The following CADPS variants were observed in gnomAD, a reference collection of about 807,000 sequenced individuals.
CADPS encodes the protein calcium-dependent secretion activator 1.
A neutral mutation model predicts 167.3 loss-of-function variants in CADPS; 57 were observed. The ratio of observed to expected loss-of-function variants is 0.34; its 90% CI spans 0.28 to 0.42. The LOEUF is 0.42. CADPS is among the 20% of genes least tolerant of loss of function. The pLI, the probability that CADPS is intolerant of heterozygous loss-of-function variation, is 1.00. For missense variants in CADPS, 1,414 were observed against 1,738.1 expected (o/e 0.81, Z 3.32); for synonymous variants, 676 against 635.3 (o/e 1.06, Z -0.96).
intron 1 of CADPS, among the ~76,000 whole-genome samples, chr3:62,869,626 C>G (rs971377108): frequency 6.6e-6 from 1 of 152,040 alleles, no homozygotes; most frequent in Non-Finnish European, 1.5e-5. Context: ...TTCTAATCAG[C>G]GTCTTACAAC....
Position 62,437,474 on chromosome 3 carries a change from G to A in CADPS, c.3777+630C>T, listed in dbSNP as rs577064250. 8.6e-5 allele frequency among the ~76,000 whole-genome samples: 13 copies of A among 151,510 alleles called. No individual in the cohort carries two copies. The East Asian group carries it at 9.8e-4, about 11-fold the overall frequency. On this transcript the variant is annotated intron_variant, in intron 28 of 29. Coordinates refer to ENST00000383710, the MANE Select transcript of CADPS (RefSeq NM_003716.4). ...ATTTTCTGAAGTTTGATCTGGGTCC[G>A]CAGCCCAATGTACTCATTCTTTGTA...
intron 28 of CADPS, among the ~76,000 whole-genome samples, chr3:62,423,301 GTC>G (rs2051875740): frequency 6.6e-6 from 1 of 152,186 alleles, no homozygotes; most frequent in African/African-American, 2.4e-5. Flanking sequence ...TCATTAAGGG[GTC>G]TCTCTGATTA....
chr3:62,832,419 G>A (rs907272072), intron 1 of CADPS, among the ~76,000 whole-genome samples: 3 of 152,218 alleles, frequency 2.0e-5, no homozygotes, highest in African/African-American at 4.8e-5. Context: ...AGTTAAAGTA[G>A]AATCCAGAAA....
chr3:62,786,310 T>A (rs746440627), intron 1 of CADPS, among the ~76,000 whole-genome samples: 20 of 152,124 alleles, frequency 1.3e-4, no homozygotes, highest in Non-Finnish European at 2.2e-4. Flanking sequence ...GAAACTCTTT[T>A]TGGAAATGAC....
At chr3:62,414,381 GC>G in intron 28 of CADPS, among the ~76,000 whole-genome samples, 1 of 152,318 alleles carries the variant, frequency 6.6e-6, no homozygotes, top group Middle Eastern at 3.4e-3. Context: ...TGTTCAGGAA[GC>G]CCTTATTTTA....
intron 1 of CADPS, among the ~76,000 whole-genome samples, chr3:62,842,837 A>C (rs2076839775): frequency 1.3e-5 from 2 of 152,224 alleles, no homozygotes. Flanking sequence ...TAAAAGTTTT[A>C]TAATCATTTT....
chr3:62,554,955 G>A (rs2077879981), intron 10 of CADPS, among the ~76,000 whole-genome samples: 1 of 152,120 alleles, frequency 6.6e-6, no homozygotes, highest in African/African-American at 2.4e-5. Flanking sequence ...GTTTCACCAT[G>A]TTGGCCAGGC....
rs2087964787 is a variant in CADPS, at chr3:62,769,590, G to T, written c.442-3606C>A. ...TCCCTTGAGAATGCCTGCCTCTGGG[G>T]ACATTTCACATGTACACATCTTTAA... is the stretch of plus-strand genomic sequence containing the variant. On this transcript the variant is annotated intron_variant, in intron 1 of 29. Transcript: ENST00000383710. Among the ~76,000 whole-genome samples the T allele has an allele frequency of 2.6e-5, 4 of 152,156 alleles. No homozygotes were observed. In the South Asian group the frequency reaches 6.2e-4, roughly 24 times the overall value.
intron 6 of CADPS, among the ~76,000 whole-genome samples, chr3:62,630,685 T>C (rs1225733894): frequency 1.3e-5 from 2 of 152,098 alleles, no homozygotes; most frequent in African/African-American, 4.8e-5. Flanking sequence ...ATGAAGAAAA[T>C]ATAATCACTT....
At chr3:62,800,830 C>T (rs1481833048) in intron 1 of CADPS, among the ~76,000 whole-genome samples, 9 of 152,060 alleles carry the variant, frequency 5.9e-5, no homozygotes, top group African/African-American at 1.2e-4. Flanking sequence ...CCAGAAAACG[C>T]GTTTACAAAA....
At chr3:62,846,818 C>T (rs1460244908) in intron 1 of CADPS, among the ~76,000 whole-genome samples, 1 of 152,034 alleles carries the variant, frequency 6.6e-6, no homozygotes, top group South Asian at 2.1e-4. Context: ...TGACTGCCAC[C>T]ACGCCTCTAC....
chr3:62,767,477 T>A (rs1158594898), intron 1 of CADPS, among the ~76,000 whole-genome samples: 2 of 152,202 alleles, frequency 1.3e-5, no homozygotes, highest in African/African-American at 2.4e-5. Context: ...AAATTAAAAG[T>A]TTTTATATAA....
chr3:62,585,656 T>A (rs1447578969), intron 7 of CADPS, among the ~76,000 whole-genome samples: 2 of 152,222 alleles, frequency 1.3e-5, no homozygotes, highest in East Asian at 3.8e-4. Flanking sequence ...GATGGATGCA[T>A]AAAAGGAAGA....
intron 9 of CADPS, among the ~76,000 whole-genome samples, chr3:62,569,631 C>A (rs2080931389): frequency 6.6e-6 from 1 of 152,224 alleles, no homozygotes; most frequent in East Asian, 1.9e-4. Context: ...GTCATTTAGA[C>A]CTAAAAGGGA....
chr3:62,474,061 G>T, intron 24 of CADPS, 112 bp downstream of exon 24: 1 of 687,602 alleles, frequency 1.5e-6, no homozygotes, highest in Non-Finnish European at 2.3e-6. Context: ...AAATGTTAGA[G>T]TGTATTTCTG....
rs929978159 is a variant in CADPS, at chr3:62,874,721, T to C, written c.309A>G (p.Glu103=). Residue 103 remains glutamate, a synonymous_variant, in exon 1 of 30, where the codon GAA becomes GAG. Transcript: ENST00000383710. The surrounding 1 kb of genome is among the most constrained non-coding windows in gnomAD (Gnocchi z 7.1). The part of the protein sequence containing the change: ...SPSVVSEKEK[E]ELERLQKEEE... ...CCTCTTTCTGCAGCCGCTCCAACTC[T>C]TCCTTCTCCTTCTCGCTCACCACCG... 1.6e-5 allele frequency: 24 copies of C among 1,524,366 alleles called. No homozygotes were observed. The African/African-American group carries it at 3.0e-4, about 19-fold the overall frequency. The allele number at this position is 1,524,366 out of a possible 1,614,324, so 94.4% of individuals were successfully genotyped here. A position where few individuals can be genotyped will look rare whatever the true frequency, so the allele number is the denominator to read the frequency against.
At chr3:62,579,544 C>A (rs138578979) in intron 8 of CADPS, among the ~76,000 whole-genome samples, 3 of 151,982 alleles carry the variant, frequency 2.0e-5, no homozygotes, top group African/African-American at 7.3e-5. Context: ...GAGGACACAG[C>A]GGGGCCAGGT....
chr3:62,549,327 G>A (rs1219914983), intron 11 of CADPS, among the ~76,000 whole-genome samples: 2 of 152,070 alleles, frequency 1.3e-5, no homozygotes, highest in Admixed American at 6.5e-5. Flanking sequence ...GAAATTAAAT[G>A]TATGCAGAGG....
intron 18 of CADPS, 139 bp downstream of exon 18, chr3:62,499,023 T>G: frequency 1.8e-6 from 1 of 546,068 alleles, no homozygotes; most frequent in Non-Finnish European, 3.3e-6. Flanking sequence ...CTTGCAAAAC[T>G]TCCACTTTCA....
Sources: gnomAD v4.1 joint callset for allele counts (sites outside exome capture counted in the v4.1 genomes callset) on GRCh38, gnomAD v4.1.1 for gene constraint, Gnocchi (gnomAD v3.1) non-coding constraint, MANE v1.5 for transcripts, NCBI Gene and HGNC (gene_info 2026-07-23, HGNC 2026-07-21) for gene names.